Variants in BACE2 observed in about 807,000 individuals in gnomAD.
BACE2 encodes 56 kDa aspartic-like protease.
BACE2 carries 17 observed loss-of-function variants against 46.2 expected under a neutral mutation model. That is an observed-to-expected ratio of 0.37 (90% CI 0.25 to 0.55). The LOEUF (loss-of-function observed/expected upper bound fraction) is 0.55. BACE2 is among the 20% of genes least tolerant of loss of function. The pLI, the probability that BACE2 is intolerant of heterozygous loss-of-function variation, is 0.82. For synonymous variants in BACE2, 277 were observed against 295.9 expected (o/e 0.94, Z 0.66); for missense variants, 595 against 698.1 (o/e 0.85, Z 1.66).
intron 6 of BACE2, among the ~76,000 whole-genome samples, chr21:41,246,529 T>A (rs73366487): frequency 0.022 from 3,312 of 152,344 alleles, 137 homozygotes; most frequent in African/African-American, 0.075. Flanking sequence ...TTACTCCTTT[T>A]TGGCTTTCAT....
intron 8 of BACE2, among the ~76,000 whole-genome samples, chr21:41,271,769 C>A (rs144217908): frequency 2.6e-5 from 4 of 152,154 alleles, no homozygotes; most frequent in Admixed American, 2.6e-4. Flanking sequence ...TTCTTGCCTT[C>A]GGTCCTTTGT....
intron 1 of BACE2, among the ~76,000 whole-genome samples, chr21:41,210,307 A>T (rs1225056148): frequency 6.6e-6 from 1 of 152,160 alleles, no homozygotes; most frequent in Non-Finnish European, 1.5e-5. Context: ...ACAGGAGATC[A>T]GACACACCTT....
chr21:41,226,182 G>T, intron 1 of BACE2, 84 bp from the exon 2 acceptor site: 16 of 1,054,120 alleles, frequency 1.5e-5, no homozygotes, highest in East Asian at 4.8e-5. Flanking sequence ...TTGCTACTTA[G>T]TTTTAAAAAC....
chr21:41,179,434 G>A, intron 1 of BACE2: 1 of 1,332,624 alleles, frequency 7.5e-7, no homozygotes, highest in Non-Finnish European at 9.9e-7. Context: ...CAGGGTGAGT[G>A]AACGTGTCCA....
intron 2 of BACE2, among the ~76,000 whole-genome samples, chr21:41,229,814 A>G (rs2837972): frequency 0.21 from 31,740 of 152,146 alleles, 6,000 homozygotes; most frequent in African/African-American, 0.5. Flanking sequence ...GTCCATATGC[A>G]TTTGATGAAT....
intron 1 of BACE2, among the ~76,000 whole-genome samples, chr21:41,172,691 T>TACAGGTC (rs1984648497): frequency 6.6e-6 from 1 of 152,252 alleles, no homozygotes; most frequent in South Asian, 2.1e-4. Flanking sequence ...CTGATGTGAT[T>TACAGGTC]ACAGGTCCTG....
chr21:41,262,264 T>C (rs1442734349), intron 8 of BACE2, among the ~76,000 whole-genome samples: 3 of 152,126 alleles, frequency 2.0e-5, no homozygotes, highest in East Asian at 3.9e-4. Flanking sequence ...TGAACTTAAG[T>C]CTAGAGGCTT....
chr21:41,170,250 TGTTA>T (rs1388908999), intron 1 of BACE2, among the ~76,000 whole-genome samples: 1 of 152,126 alleles, frequency 6.6e-6, no homozygotes, highest in African/African-American at 2.4e-5. Context: ...ATAACTTGCC[TGTTA>T]ATTAATTCAA....
At chr21:41,212,176 G>C (rs1439055363) in intron 1 of BACE2, among the ~76,000 whole-genome samples, 1 of 152,228 alleles carries the variant, frequency 6.6e-6, no homozygotes, top group Non-Finnish European at 1.5e-5. Context: ...GGAAGTCCAA[G>C]ACCCAGGCAC....
chr21:41,184,463 C>A (rs1189512316), intron 1 of BACE2: 1 of 167,054 alleles, frequency 6.0e-6, no homozygotes, highest in East Asian at 1.9e-4. Context: ...CCAATTCTTT[C>A]CTTTTATAAG....
Position 41,214,863 on chromosome 21 carries a change from G to A in BACE2, c.313-11403G>A, listed in dbSNP as rs939403385. 8.5e-5 allele frequency among the ~76,000 whole-genome samples: 13 copies of A among 152,076 alleles called. No homozygotes were observed. The East Asian group carries it at 1.3e-3, about 16-fold the overall frequency. On this transcript the variant is annotated intron_variant, in intron 1 of 8. Transcript: ENST00000330333. ...TGGAGAAGACAGGCTCCTGTGTGAC[G>A]GTGATGCACCCAGGACAGGGGCACA...
chr21:41,218,313 A>G (rs776055741), intron 1 of BACE2, among the ~76,000 whole-genome samples: 2 of 152,250 alleles, frequency 1.3e-5, no homozygotes, highest in African/African-American at 2.4e-5. Context: ...AGAAACATAT[A>G]TATAAAGTGT....
At chr21:41,185,731 A>T (rs1425269944) in intron 1 of BACE2, among the ~76,000 whole-genome samples, 1 of 152,192 alleles carries the variant, frequency 6.6e-6, no homozygotes, top group Non-Finnish European at 1.5e-5. Flanking sequence ...GCCAACAAGG[A>T]TGCCCTCGCC....
rs878912322 is a variant in BACE2 at position 41,179,506 on chromosome 21, G to C, written c.312+10931G>C. 6.2e-6 allele frequency: 7 copies of C among 1,122,050 alleles called. No individual in the cohort carries two copies. The African/African-American group carries it at 1.3e-4, about 22-fold the overall frequency. 69.5% of individuals were successfully genotyped at this position (1,122,050 alleles called of 1,614,324 possible). A position where few individuals can be genotyped will look rare whatever the true frequency, so the allele number is the denominator to read the frequency against. Reference sequence around the variant, plus strand: ...TCCAGGGTGAGGAGTGACGGTGTCTGGGGTGAGTGAGGGTGTCCAGGGTGA... The same window carrying C: ...TCCAGGGTGAGGAGTGACGGTGTCTCGGGTGAGTGAGGGTGTCCAGGGTGA... On this transcript the variant is annotated intron_variant, in intron 1 of 8. Coordinates refer to ENST00000330333, the MANE Select transcript of BACE2 (RefSeq NM_012105.5).
At chr21:41,272,673 T>C (rs1306800878) in intron 8 of BACE2, among the ~76,000 whole-genome samples, 1 of 152,228 alleles carries the variant, frequency 6.6e-6, no homozygotes, top group Non-Finnish European at 1.5e-5. Context: ...CTATTTAACA[T>C]GTTTAACATT....
chr21:41,173,090 T>A (rs887854521), intron 1 of BACE2, among the ~76,000 whole-genome samples: 1 of 152,228 alleles, frequency 6.6e-6, no homozygotes, highest in Non-Finnish European at 1.5e-5. Context: ...TCATCACATC[T>A]GCATAGACCC....
chr21:41,205,995 CA>C (rs754239228), intron 1 of BACE2, among the ~76,000 whole-genome samples: 169 of 152,176 alleles, frequency 1.1e-3, no homozygotes, highest in Non-Finnish European at 2.2e-3. Context: ...TTCACAGCAG[CA>C]TCATTCACAA....
intron 1 of BACE2, among the ~76,000 whole-genome samples, chr21:41,212,778 G>A (rs1159316345): frequency 6.6e-6 from 1 of 152,212 alleles, no homozygotes; most frequent in East Asian, 1.9e-4. Context: ...GGTTACAGAA[G>A]CTGAAGTGAG....
intron 1 of BACE2, among the ~76,000 whole-genome samples, chr21:41,209,175 A>T (rs1325373515): frequency 2.6e-5 from 4 of 152,230 alleles, no homozygotes; most frequent in East Asian, 1.9e-4. Flanking sequence ...ACTAGCAGCA[A>T]TAAGGATTCT....
Sources: allele counts gnomAD v4.1 joint callset (sites outside exome capture counted in the v4.1 genomes callset), GRCh38; gene constraint gnomAD v4.1.1; transcripts MANE v1.5; gene names NCBI Gene and HGNC (gene_info 2026-07-23, HGNC 2026-07-21).